PCOLCE2: variants seen among roughly 807,000 people sequenced by gnomAD.
PCOLCE2 encodes procollagen C-endopeptidase enhancer 2.
PCOLCE2 carries 42 observed loss-of-function variants against 47.0 expected under a neutral mutation model. The ratio of observed to expected loss-of-function variants is 0.89; its 90% CI spans 0.70 to 1.16. The LOEUF (loss-of-function observed/expected upper bound fraction) is 1.16, where lower values mean the gene tolerates loss of function less well. Ranked by LOEUF, PCOLCE2 falls within the 50% of genes most tolerant of loss-of-function variation. The pLI, the probability that PCOLCE2 is intolerant of heterozygous loss-of-function variation, is 0.00. For missense variants in PCOLCE2, 500 were observed against 526.1 expected, an observed-to-expected ratio of 0.95 and a Z score of 0.49; for synonymous variants, 169 against 191.7, an observed-to-expected ratio of 0.88 and a Z score of 0.98.
chr3:142,821,796 C>T (rs1290651320), intron 7 of PCOLCE2, among the ~76,000 whole-genome samples: 5 of 151,690 alleles, frequency 3.3e-5, no homozygotes, highest in Admixed American at 3.3e-4. Flanking sequence ...AAGAGTCTCT[C>T]TTTGAAGCCA....
At chr3:142,882,593 T>TTTTTTTTTTTTTTTTTTTTTTTTTG (rs1560143101) in intron 2 of PCOLCE2, among the ~76,000 whole-genome samples, 1 of 151,468 alleles carries the variant, frequency 6.6e-6, no homozygotes, top group African/African-American at 2.4e-5. Flanking sequence ...TATTATACTT[T>TTTTTTTTTTTTTTTTTTTTTTTTTG]AGAGAAGAGG....
At chr3:142,886,683 C>T (rs1386190464) in intron 2 of PCOLCE2, among the ~76,000 whole-genome samples, 2 of 152,100 alleles carry the variant, frequency 1.3e-5, no homozygotes, top group Non-Finnish European at 2.9e-5. Flanking sequence ...TTGGGCTTCC[C>T]GACTGTCTGA....
At chr3:142,858,239 G>A (rs950111971) in intron 2 of PCOLCE2, among the ~76,000 whole-genome samples, 1 of 152,172 alleles carries the variant, frequency 6.6e-6, no homozygotes, top group African/African-American at 2.4e-5. Context: ...TGGCCTTGCA[G>A]CTGACTGTGA....
chr3:142,834,748 T>C (rs1937184354), intron 5 of PCOLCE2, among the ~76,000 whole-genome samples: 1 of 152,216 alleles, frequency 6.6e-6, no homozygotes, highest in Non-Finnish European at 1.5e-5. Flanking sequence ...GTTTCTTTTT[T>C]ATCATACTGA....
chr3:142,852,062 C>A (rs1357293439), intron 2 of PCOLCE2, among the ~76,000 whole-genome samples: 1 of 152,214 alleles, frequency 6.6e-6, no homozygotes, highest in South Asian at 2.1e-4. Context: ...ACCCGAACAA[C>A]CCCGACAAAG....
intron 2 of PCOLCE2, among the ~76,000 whole-genome samples, chr3:142,850,113 T>C (rs553332161): frequency 6.6e-6 from 1 of 152,274 alleles, no homozygotes; most frequent in South Asian, 2.1e-4. Flanking sequence ...GAAAGAACAA[T>C]TTAAATTTTA....
chr3:142,865,156 GTT>G (rs61667058), intron 2 of PCOLCE2, among the ~76,000 whole-genome samples: 2 of 142,938 alleles, frequency 1.4e-5, no homozygotes. Flanking sequence ...TATTCTCTGT[GTT>G]TTTTTTTTTT....
intron 2 of PCOLCE2, chr3:142,887,195 G>A (rs770607473): frequency 2.6e-5 from 4 of 152,628 alleles, no homozygotes; most frequent in Admixed American, 2.6e-4. Context: ...TTTAGAGGTG[G>A]TTTCAACCCA....
At position 142,887,784 on chromosome 3, in the gene PCOLCE2, A is replaced by C; in HGVS notation, c.84-7T>G. On this transcript the variant is annotated splice_polypyrimidine_tract_variant and splice_region_variant and intron_variant, in intron 1 of 8. Transcript: ENST00000295992. ...ACCACATGTGAAAACAGGTCTGGGA[A>C]CATAAAAGAAGAAAAGATAATGTAA... 1 of 1,449,142 alleles carries C rather than the reference A, an allele frequency of 6.9e-7. No homozygotes were observed. The highest frequency in any genetic ancestry group is 2.3e-5 in the East Asian group (1 of 44,124). 89.8% of individuals were successfully genotyped at this position (1,449,142 alleles called of 1,614,324 possible).
At chr3:142,838,273 G>T (rs1937227083) in intron 5 of PCOLCE2, among the ~76,000 whole-genome samples, 2 of 152,096 alleles carry the variant, frequency 1.3e-5, no homozygotes, top group Non-Finnish European at 2.9e-5. Flanking sequence ...TAGTGGTTTG[G>T]ATCTGTGTCC....
At chr3:142,861,078 T>C (rs1029928130) in intron 2 of PCOLCE2, among the ~76,000 whole-genome samples, 3 of 152,260 alleles carry the variant, frequency 2.0e-5, no homozygotes, top group Non-Finnish European at 2.9e-5. Context: ...ATGTCTTTAT[T>C]ATTCTGTACT....
At chr3:142,822,769 G>A (rs541720603) in intron 7 of PCOLCE2, among the ~76,000 whole-genome samples, 28 of 152,268 alleles carry the variant, frequency 1.8e-4, no homozygotes, top group Admixed American at 3.3e-4. Flanking sequence ...GATACAGCTC[G>A]TCTGGACTAC....
At chr3:142,848,980 C>T (rs1170357944) in intron 2 of PCOLCE2, among the ~76,000 whole-genome samples, 2 of 152,006 alleles carry the variant, frequency 1.3e-5, no homozygotes, top group African/African-American at 4.8e-5. Context: ...AGTGAAACCC[C>T]GTCTCTACTA....
At chr3:142,874,404 C>G (rs1412712219) in intron 2 of PCOLCE2, among the ~76,000 whole-genome samples, 1 of 152,146 alleles carries the variant, frequency 6.6e-6, no homozygotes, top group Non-Finnish European at 1.5e-5. Flanking sequence ...GGCACACCCC[C>G]CTCACTCTCT....
intron 2 of PCOLCE2, among the ~76,000 whole-genome samples, chr3:142,877,687 A>T (rs187163926): frequency 1.1e-4 from 16 of 152,298 alleles, no homozygotes; most frequent in African/African-American, 2.4e-4. Flanking sequence ...CAGGGATTTG[A>T]ACTATGTCAG....
intron 2 of PCOLCE2, among the ~76,000 whole-genome samples, chr3:142,871,993 CTCT>C (rs1429007975): frequency 6.6e-6 from 1 of 152,166 alleles, no homozygotes. Context: ...CTTCACCCTA[CTCT>C]TCTTGGGTGG....
intron 2 of PCOLCE2, among the ~76,000 whole-genome samples, chr3:142,851,075 G>A (rs1291281648): frequency 6.6e-6 from 1 of 152,142 alleles, no homozygotes; most frequent in Non-Finnish European, 1.5e-5. Context: ...CAGTAAATGA[G>A]GTGGTGAAAG....
intron 4 of PCOLCE2, among the ~76,000 whole-genome samples, chr3:142,840,820 A>T (rs1412738081): frequency 6.6e-6 from 1 of 152,200 alleles, no homozygotes; most frequent in Non-Finnish European, 1.5e-5. Flanking sequence ...TCACGCCTGT[A>T]ATCCCAGCAC....
intron 2 of PCOLCE2, among the ~76,000 whole-genome samples, chr3:142,881,323 C>G (rs1232823642): frequency 6.6e-6 from 1 of 152,144 alleles, no homozygotes; most frequent in African/African-American, 2.4e-5. Context: ...AATGGTCATA[C>G]TAAGGTCTGT....
Sources: gnomAD v4.1 joint callset for allele counts (sites outside exome capture counted in the v4.1 genomes callset) on GRCh38, gnomAD v4.1.1 for gene constraint, MANE v1.5 for transcripts, NCBI Gene and HGNC (gene_info 2026-07-23, HGNC 2026-07-21) for gene names.